TAFA4: variants seen among roughly 807,000 people sequenced by gnomAD.
TAFA4 encodes TAFA chemokine like family member 4, also known as chemokine-like protein TAFA-4.
Under a neutral mutation model 21.1 loss-of-function variants are expected in TAFA4, and 20 were observed. That is an observed-to-expected ratio of 0.95 (90% confidence interval 0.67 to 1.38). TAFA4 has a LOEUF of 1.38. TAFA4 is among the 40% of genes most tolerant of loss of function. TAFA4 has a pLI of 0.00. For missense variants in TAFA4, 211 were observed against 180.9 expected (o/e 1.17, Z -0.95); for synonymous variants, 71 against 67.4 (o/e 1.05, Z -0.26).
intron 3 of TAFA4, among the ~76,000 whole-genome samples, chr3:68,826,113 G>C (rs1575626989): frequency 6.6e-6 from 1 of 152,214 alleles, no homozygotes. Flanking sequence ...GGAAATCATG[G>C]CATAGGGCAG....
intron 3 of TAFA4, among the ~76,000 whole-genome samples, chr3:68,808,478 A>T (rs1194835150): frequency 6.6e-6 from 1 of 152,206 alleles, no homozygotes; most frequent in Non-Finnish European, 1.5e-5. Flanking sequence ...TACCTTAAAA[A>T]AATAATCTAC....
intron 3 of TAFA4, among the ~76,000 whole-genome samples, chr3:68,810,459 G>A (rs145606766): frequency 0.017 from 2,621 of 152,218 alleles, 78 homozygotes; most frequent in African/African-American, 0.06. Context: ...CTGGAAAATC[G>A]GGTCACTCCC....
intron 3 of TAFA4, among the ~76,000 whole-genome samples, chr3:68,846,188 G>C (rs1169139337): frequency 1.3e-5 from 2 of 151,950 alleles, no homozygotes; most frequent in African/African-American, 4.8e-5. Context: ...CATAGTCCCA[G>C]ATTTCTTGGA....
chr3:68,859,296 T>G (rs2089300276), intron 3 of TAFA4, among the ~76,000 whole-genome samples: 1 of 152,202 alleles, frequency 6.6e-6, no homozygotes, highest in Non-Finnish European at 1.5e-5. Flanking sequence ...TTGATAATAT[T>G]CACATTTCAT....
intron 3 of TAFA4, among the ~76,000 whole-genome samples, chr3:68,874,407 C>A (rs1251264584): frequency 3.3e-5 from 5 of 152,044 alleles, no homozygotes; most frequent in Non-Finnish European, 7.4e-5. Context: ...TCTTCCTGCC[C>A]CGTCTCTACC....
intron 3 of TAFA4, among the ~76,000 whole-genome samples, chr3:68,785,431 T>C (rs1162434376): frequency 6.6e-6 from 1 of 152,196 alleles, no homozygotes; most frequent in Non-Finnish European, 1.5e-5. Flanking sequence ...GGCTCAGGCA[T>C]GGCGGGCTGC....
At chr3:68,733,256 A>C in intron 5 of TAFA4, 103 bp from the exon 6 acceptor site, 1 of 1,434,892 alleles carries the variant, frequency 7.0e-7, no homozygotes, top group Non-Finnish European at 9.5e-7. Context: ...ATACTTTATC[A>C]GTTTGTACAT....
intron 3 of TAFA4, among the ~76,000 whole-genome samples, chr3:68,828,423 G>T (rs1477533090): frequency 1.3e-5 from 2 of 151,982 alleles, no homozygotes; most frequent in Admixed American, 1.3e-4. Context: ...GTAAGTCAGT[G>T]GTAGCTTGAT....
At chr3:68,819,586 G>T (rs886666121) in intron 3 of TAFA4, among the ~76,000 whole-genome samples, 4 of 152,108 alleles carry the variant, frequency 2.6e-5, no homozygotes, top group African/African-American at 9.7e-5. Context: ...AAATATATAA[G>T]AACTCAAACA....
chr3:68,919,523 G>A (rs1434859126), intron 1 of TAFA4, among the ~76,000 whole-genome samples: 1 of 152,118 alleles, frequency 6.6e-6, no homozygotes, highest in Non-Finnish European at 1.5e-5. Flanking sequence ...CCTTGCACCA[G>A]CGCTGTCCGA....
chr3:68,849,877 C>T (rs1352395078), intron 3 of TAFA4, among the ~76,000 whole-genome samples: 1 of 152,172 alleles, frequency 6.6e-6, no homozygotes, highest in Non-Finnish European at 1.5e-5. Context: ...AATCACATGC[C>T]AGCCCCATTC....
intron 3 of TAFA4, among the ~76,000 whole-genome samples, chr3:68,771,408 G>A (rs528494064): frequency 6.6e-6 from 1 of 152,304 alleles, no homozygotes; most frequent in South Asian, 2.1e-4. Context: ...AGCCCAAAAA[G>A]TGCTCCCCAT....
chr3:68,815,041 C>T (rs1703936367), intron 3 of TAFA4, among the ~76,000 whole-genome samples: 1 of 152,094 alleles, frequency 6.6e-6, no homozygotes, highest in Non-Finnish European at 1.5e-5. Context: ...TTTGACAAAC[C>T]TGACAAAAAC....
chr3:68,740,189 G>C (rs544777357), intron 4 of TAFA4, among the ~76,000 whole-genome samples: 3 of 152,140 alleles, frequency 2.0e-5, no homozygotes, highest in Non-Finnish European at 4.4e-5. Flanking sequence ...GTTAATCCAC[G>C]TGTGAAAGTC....
At chr3:68,792,630 T>C (rs983032762) in intron 3 of TAFA4, among the ~76,000 whole-genome samples, 1 of 152,204 alleles carries the variant, frequency 6.6e-6, no homozygotes, top group South Asian at 2.1e-4. Context: ...TCAGAACAGA[T>C]TGATTTATTC....
Position 68,830,102 on chromosome 3 carries a change from C to T in TAFA4, c.130+50628G>A, listed in dbSNP as rs987991865. On this transcript the variant is annotated intron_variant, in intron 3 of 5. Transcript: ENST00000295569. Reference sequence around the variant, plus strand: ...TTTTCTTCTTTATTAGTCTTGCTAACGGTCTATCAATTTTGTAGATCTTTT... The same window carrying T: ...TTTTCTTCTTTATTAGTCTTGCTAATGGTCTATCAATTTTGTAGATCTTTT... Among the ~76,000 whole-genome samples, 10 of 151,934 alleles carry T rather than the reference C, an allele frequency of 6.6e-5. No individual in the cohort carries two copies. The East Asian group carries it at 7.7e-4, about 12-fold the overall frequency.
intron 3 of TAFA4, among the ~76,000 whole-genome samples, chr3:68,783,742 A>T (rs867627326): frequency 2.5e-4 from 31 of 123,422 alleles, no homozygotes; most frequent in Admixed American, 1.1e-3. Context: ...AGAAAGAAAG[A>T]AAGTAAGAAA....
intron 4 of TAFA4, among the ~76,000 whole-genome samples, chr3:68,751,020 CA>C (rs1286776040): frequency 6.6e-6 from 1 of 152,102 alleles, no homozygotes; most frequent in Non-Finnish European, 1.5e-5. Flanking sequence ...CAGGGTGTTG[CA>C]AGAACTTACA....
intron 3 of TAFA4, among the ~76,000 whole-genome samples, chr3:68,873,260 C>A (rs1202404059): frequency 1.4e-5 from 2 of 144,402 alleles, no homozygotes; most frequent in Admixed American, 1.4e-4. Context: ...GATCAAACAA[C>A]GTCATACTTG....
Sources: allele counts gnomAD v4.1 joint callset (sites outside exome capture counted in the v4.1 genomes callset), GRCh38; gene constraint gnomAD v4.1.1; transcripts MANE v1.5; gene names NCBI Gene and HGNC (gene_info 2026-07-23, HGNC 2026-07-21).